The following ASIC2 variants were observed in gnomAD, a reference collection of about 807,000 sequenced individuals.
ASIC2 encodes acid sensing ion channel subunit 2, also known as acid-sensing ion channel 2.
Under a neutral mutation model 57.3 loss-of-function variants are expected in ASIC2, and 25 were observed. The ratio of observed to expected loss-of-function variants is 0.44; its 90% CI spans 0.32 to 0.61. The LOEUF is 0.61. Among genes scored for constraint, ASIC2 ranks in the 20% least tolerant of loss-of-function variants. The pLI is 0.06. For synonymous variants in ASIC2, 319 were observed against 307.5 expected, an observed-to-expected ratio of 1.04 and a Z score of -0.39; for missense variants, 641 against 738.1, an observed-to-expected ratio of 0.87 and a Z score of 1.52.
chr17:33,361,433 G>A (rs56250316), intron 1 of ASIC2, among the ~76,000 whole-genome samples: 1,912 of 152,278 alleles, frequency 0.013, 48 homozygotes, highest in African/African-American at 0.043. Context: ...TAACCAAATA[G>A]CCTTATGCAC....
chr17:33,905,503 G>A (rs1915328506), intron 1 of ASIC2, among the ~76,000 whole-genome samples: 1 of 152,204 alleles, frequency 6.6e-6, no homozygotes, highest in Non-Finnish European at 1.5e-5. Flanking sequence ...AGAGGCATGT[G>A]CTGACATAGA....
At chr17:33,919,770 C>A (rs952884600) in intron 1 of ASIC2, among the ~76,000 whole-genome samples, 4 of 152,178 alleles carry the variant, frequency 2.6e-5, no homozygotes, top group African/African-American at 2.4e-5. Flanking sequence ...ACAAATTATG[C>A]ATCCAGCAAA....
chr17:33,166,216 T>C (rs1212689173), intron 1 of ASIC2, among the ~76,000 whole-genome samples: 1 of 152,238 alleles, frequency 6.6e-6, no homozygotes, highest in African/African-American at 2.4e-5. Flanking sequence ...GAGATGAGAA[T>C]TCCTTCCTCA....
chr17:33,682,947 T>C (rs1222000345), intron 1 of ASIC2, among the ~76,000 whole-genome samples: 3 of 152,244 alleles, frequency 2.0e-5, no homozygotes, highest in African/African-American at 7.2e-5. Context: ...AGAGATGTAA[T>C]TGTCATTGTA....
chr17:33,877,478 T>G (rs431114), intron 1 of ASIC2, among the ~76,000 whole-genome samples: 41,550 of 152,166 alleles, frequency 0.27, 5,895 homozygotes, highest in Middle Eastern at 0.36. Context: ...TATAACCCAT[T>G]CCTGGCTCGG....
intron 1 of ASIC2, among the ~76,000 whole-genome samples, chr17:33,981,497 A>T (rs1285401882): frequency 6.6e-6 from 1 of 152,204 alleles, no homozygotes; most frequent in Non-Finnish European, 1.5e-5. Context: ...TTGAAGTTCA[A>T]TGGCTGTTCG....
intron 1 of ASIC2, among the ~76,000 whole-genome samples, chr17:33,616,794 T>A (rs2142018701): frequency 6.6e-6 from 1 of 152,296 alleles, no homozygotes; most frequent in South Asian, 2.1e-4. Context: ...AGAAGAAAAA[T>A]ACCATTCTTT....
chr17:33,022,047 C>A (rs1330717840), intron 6 of ASIC2, among the ~76,000 whole-genome samples: 2 of 152,174 alleles, frequency 1.3e-5, no homozygotes, highest in African/African-American at 4.8e-5. Flanking sequence ...ACCCACTGAG[C>A]AGAAGCTGGC....
At chr17:33,695,552 C>G (rs1295530949) in intron 1 of ASIC2, among the ~76,000 whole-genome samples, 1 of 152,194 alleles carries the variant, frequency 6.6e-6, no homozygotes, top group Non-Finnish European at 1.5e-5. Context: ...GATGCACTTT[C>G]AGAAATCTGG....
At chr17:33,633,222 G>T (rs1906230762) in intron 1 of ASIC2, among the ~76,000 whole-genome samples, 1 of 152,172 alleles carries the variant, frequency 6.6e-6, no homozygotes, top group Non-Finnish European at 1.5e-5. Context: ...CCAGGGGCTT[G>T]CCACAGCGCT....
chr17:33,659,422 G>T (rs918217669), intron 1 of ASIC2, among the ~76,000 whole-genome samples: 1 of 152,114 alleles, frequency 6.6e-6, no homozygotes, highest in Non-Finnish European at 1.5e-5. Context: ...CCGACCACAC[G>T]CCCAGGCTAT....
At chr17:34,030,406 C>T (rs978011872) in intron 1 of ASIC2, among the ~76,000 whole-genome samples, 4 of 152,216 alleles carry the variant, frequency 2.6e-5, no homozygotes, top group East Asian at 3.9e-4. Flanking sequence ...GGAACAGCTC[C>T]GGTCTACAGC....
At chr17:33,640,029 T>G (rs1906505887) in intron 1 of ASIC2, among the ~76,000 whole-genome samples, 1 of 152,180 alleles carries the variant, frequency 6.6e-6, no homozygotes, top group South Asian at 2.1e-4. Context: ...CCCTCACCCC[T>G]GGGCTTCTAA....
intron 1 of ASIC2, among the ~76,000 whole-genome samples, chr17:33,716,710 C>T (rs1228575124): frequency 6.6e-6 from 1 of 152,042 alleles, no homozygotes; most frequent in East Asian, 1.9e-4. Context: ...TCTCCTCATG[C>T]CATCTGTCTG....
At chr17:33,016,085 C>T in intron 8 of ASIC2, 46 bp from the exon 9 acceptor site, 1 of 1,599,716 alleles carries the variant, frequency 6.3e-7, no homozygotes, top group Non-Finnish European at 8.6e-7. Context: ...GAAGAGGGTG[C>T]AGAGGCAGAA....
At chr17:34,027,955 T>A (rs1055082776) in intron 1 of ASIC2, among the ~76,000 whole-genome samples, 1 of 152,226 alleles carries the variant, frequency 6.6e-6, no homozygotes, top group African/African-American at 2.4e-5. Flanking sequence ...TATGCATTAT[T>A]TTATATCCAC....
chr17:33,798,848 A>C (rs1206863682), intron 1 of ASIC2, among the ~76,000 whole-genome samples: 3 of 152,114 alleles, frequency 2.0e-5, no homozygotes, highest in African/African-American at 7.2e-5. Flanking sequence ...TGGTCAGGGG[A>C]AAATGCCAGC....
chr17:33,166,573 A>G lies in ASIC2; in HGVS notation c.709-54506T>C, dbSNP rs565592859. 2.0e-5 allele frequency among the ~76,000 whole-genome samples: 3 copies of G among 152,270 alleles called. No homozygotes were observed. In the South Asian group the frequency reaches 6.2e-4, roughly 32 times the overall value. On this transcript the variant is annotated intron_variant, in intron 1 of 9. Coordinates refer to ENST00000225823, the MANE Select transcript of ASIC2 (RefSeq NM_183377.2). ...CTGCAGGTGTTATTGAGGTCCTAGC[A>G]TGCCTCATACCACAGGACCCCTGGG... is the stretch of plus-strand genomic sequence containing the variant.
chr17:33,556,960 G>A (rs1166998743), intron 1 of ASIC2, among the ~76,000 whole-genome samples: 1 of 152,230 alleles, frequency 6.6e-6, no homozygotes, highest in African/African-American at 2.4e-5. Context: ...AATGGTGGAA[G>A]ACTTTCTTGC....
Sources: gnomAD v4.1 joint callset for allele counts (sites outside exome capture counted in the v4.1 genomes callset) on GRCh38, gnomAD v4.1.1 for gene constraint, MANE v1.5 for transcripts, NCBI Gene and HGNC (gene_info 2026-07-23, HGNC 2026-07-21) for gene names.